C8orf34: variants seen among roughly 807,000 people sequenced by gnomAD.
The protein encoded by C8orf34 is chromosome 8 open reading frame 34.
A neutral mutation model predicts 68.3 loss-of-function variants in C8orf34; 65 were observed. That is an observed-to-expected ratio of 0.95 (90% CI 0.78 to 1.17). The LOEUF is 1.17. Among genes scored for constraint, C8orf34 ranks in the 50% most tolerant of loss-of-function variants. The probability of loss-of-function intolerance (pLI) is 0.00; values close to 1 mark genes in which losing one functional copy is unlikely to be tolerated. For synonymous variants in C8orf34, 244 were observed against 241.2 expected (o/e 1.01, Z -0.11); for missense variants, 664 against 655.4 (o/e 1.01, Z -0.14).
chr8:68,412,260 T>G (rs146980572), intron 1 of C8orf34, among the ~76,000 whole-genome samples: 73 of 152,354 alleles, frequency 4.8e-4, no homozygotes, highest in Non-Finnish European at 9.0e-4. Context: ...CTCTGCATAT[T>G]TGGGATAATT....
intron 7 of C8orf34, among the ~76,000 whole-genome samples, chr8:68,618,454 A>T (rs979770535): frequency 2.6e-5 from 4 of 152,044 alleles, no homozygotes; most frequent in Non-Finnish European, 4.4e-5. Flanking sequence ...GGCTCAACAG[A>T]TCCTCCCACC....
intron 1 of C8orf34, among the ~76,000 whole-genome samples, chr8:68,340,618 A>G (rs1327794608): frequency 6.6e-6 from 1 of 152,226 alleles, no homozygotes; most frequent in East Asian, 1.9e-4. Flanking sequence ...AAATTGGACA[A>G]TTCATGGAAC....
At chr8:68,567,435 A>T (rs1000904524) in intron 7 of C8orf34, among the ~76,000 whole-genome samples, 1 of 151,710 alleles carries the variant, frequency 6.6e-6, no homozygotes, top group Non-Finnish European at 1.5e-5. Flanking sequence ...GCCTCGAATG[A>T]TGTTTTGTAT....
intron 8 of C8orf34, among the ~76,000 whole-genome samples, chr8:68,670,410 G>A (rs1033705383): frequency 2.0e-5 from 3 of 152,032 alleles, no homozygotes; most frequent in Non-Finnish European, 4.4e-5. Flanking sequence ...AACAACCAGA[G>A]AAGATAAAAA....
chr8:68,761,925 AATTAATTTCACTGGGC>A (rs1823036017), intron 10 of C8orf34, among the ~76,000 whole-genome samples: 1 of 152,214 alleles, frequency 6.6e-6, no homozygotes, highest in Admixed American at 6.5e-5. Context: ...AGTATTTTGC[AATTAATTTCACTGGGC>A]TAGTTTCAGC....
intron 1 of C8orf34, among the ~76,000 whole-genome samples, chr8:68,332,326 A>G (rs1805651245): frequency 9.7e-6 from 1 of 103,034 alleles, no homozygotes; most frequent in Admixed American, 9.8e-5. Flanking sequence ...ACCGGCGGCG[A>G]GAGTTCGCGG....
chr8:68,425,896 A>G (rs1042581076), intron 1 of C8orf34, among the ~76,000 whole-genome samples: 2 of 152,182 alleles, frequency 1.3e-5, no homozygotes, highest in African/African-American at 4.8e-5. Flanking sequence ...ATTTTTGACA[A>G]AGACACAAAA....
At chr8:68,534,141 T>C (rs762381919) in intron 7 of C8orf34, 22 of 985,242 alleles carry the variant, frequency 2.2e-5, no homozygotes, top group Non-Finnish European at 2.7e-5. Flanking sequence ...TTATCATTTT[T>C]GCATAGGCCT....
At position 68,529,388 on chromosome 8, in the gene C8orf34, C is replaced by G. The variant is rs538649669; in HGVS notation, c.939-3595C>G. Among the ~76,000 whole-genome samples the G allele has an allele frequency of 7.9e-5, 12 of 152,312 alleles. No homozygotes were observed. The South Asian group carries it at 2.5e-3, about 32-fold the overall frequency. On this transcript the variant is annotated intron_variant, in intron 6 of 13. Transcript: ENST00000518698. The stretch of plus-strand genomic sequence containing the variant: ...CAAACAGCAGTGTTTGAGATTTCAT[C>G]TCTCAGTTATTTATTCAAATATTTT...
intron 10 of C8orf34, among the ~76,000 whole-genome samples, chr8:68,738,974 C>CAACAAAAAAAGAA (rs1179332208): frequency 6.6e-5 from 10 of 151,812 alleles, no homozygotes; most frequent in Non-Finnish European, 1.3e-4. Context: ...TGCAGAGACA[C>CAACAAAAAAAGAA]AACAAAAAAA....
intron 1 of C8orf34, among the ~76,000 whole-genome samples, chr8:68,369,270 G>A (rs7001418): frequency 0.41 from 62,006 of 151,990 alleles, 12,836 homozygotes; most frequent in Non-Finnish European, 0.44. Context: ...GTATTCCTGC[G>A]TTTGGCAACA....
chr8:68,331,777 TTC>T (rs1182037320), intron 1 of C8orf34, among the ~76,000 whole-genome samples: 29 of 119,292 alleles, frequency 2.4e-4, no homozygotes, highest in Admixed American at 3.9e-4. Flanking sequence ...TTTCTTTTCT[TTC>T]CTTCTTTTTT....
chr8:68,489,353 GA>G (rs1813212556), intron 5 of C8orf34, among the ~76,000 whole-genome samples: 1 of 152,120 alleles, frequency 6.6e-6, no homozygotes, highest in Non-Finnish European at 1.5e-5. Flanking sequence ...AAAAATGATA[GA>G]AAGTATTGTA....
Position 68,735,976 on chromosome 8 carries a change from C to G in C8orf34, c.1404+14539C>G, listed in dbSNP as rs1016474935. On this transcript the variant is annotated intron_variant, in intron 10 of 13. Transcript: ENST00000518698. ...ACACCCCAGTAACATTTCAGAAAGCCTCCTTATTCCACTGTTGACTGGTTT... is the reference window on the plus strand; with the variant it reads ...ACACCCCAGTAACATTTCAGAAAGCGTCCTTATTCCACTGTTGACTGGTTT... 3.3e-5 allele frequency among the ~76,000 whole-genome samples: 5 copies of G among 152,264 alleles called. No individual in the cohort carries two copies. In the South Asian group the frequency reaches 8.3e-4, roughly 25 times the overall value.
intron 8 of C8orf34, among the ~76,000 whole-genome samples, chr8:68,641,304 C>G (rs956068878): frequency 6.6e-6 from 1 of 152,150 alleles, no homozygotes; most frequent in African/African-American, 2.4e-5. Context: ...GTAGGAAAAT[C>G]AAACCAGATT....
At chr8:68,746,881 T>A (rs1480914599) in intron 10 of C8orf34, among the ~76,000 whole-genome samples, 1 of 152,066 alleles carries the variant, frequency 6.6e-6, no homozygotes, top group African/African-American at 2.4e-5. Context: ...CTAACTCATT[T>A]TATGAGGCCA....
chr8:68,747,970 A>T (rs1418208832), intron 10 of C8orf34, among the ~76,000 whole-genome samples: 1 of 151,872 alleles, frequency 6.6e-6, no homozygotes, highest in Non-Finnish European at 1.5e-5. Flanking sequence ...ACATCACACT[A>T]CCTGACTTCA....
chr8:68,789,433 C>G (rs900334038), intron 12 of C8orf34, among the ~76,000 whole-genome samples: 5 of 152,182 alleles, frequency 3.3e-5, no homozygotes, highest in African/African-American at 1.2e-4. Flanking sequence ...CTTTTCTTTT[C>G]CTTAAATCCA....
chr8:68,375,022 A>G (rs1158684592), intron 1 of C8orf34, among the ~76,000 whole-genome samples: 1 of 152,208 alleles, frequency 6.6e-6, no homozygotes, highest in Admixed American at 6.5e-5. Flanking sequence ...CATGTAGGAA[A>G]AGATGTGATA....
Sources: gnomAD v4.1 joint callset for allele counts (sites outside exome capture counted in the v4.1 genomes callset) on GRCh38, gnomAD v4.1.1 for gene constraint, MANE v1.5 for transcripts, NCBI Gene and HGNC (gene_info 2026-07-23, HGNC 2026-07-21) for gene names.